Variants in CDH13 observed in about 807,000 individuals in gnomAD.
CDH13 encodes cadherin-13.
CDH13 carries 24 observed loss-of-function variants against 63.8 expected under a neutral mutation model. The observed-to-expected ratio is 0.38, with a 90% CI of 0.27 to 0.53. CDH13 has a LOEUF of 0.53. CDH13 is among the 20% of genes least tolerant of loss of function. CDH13 has a pLI of 0.85. For synonymous variants in CDH13, 503 were observed against 355.3 expected, an observed-to-expected ratio of 1.42 and a Z score of -4.67; for missense variants, 1,049 against 903.1, an observed-to-expected ratio of 1.16 and a Z score of -2.07.
intron 9 of CDH13, among the ~76,000 whole-genome samples, chr16:83,676,272 T>C (rs1430715838): frequency 1.3e-5 from 2 of 152,140 alleles, no homozygotes; most frequent in African/African-American, 4.8e-5. Context: ...CTGTGGAGAA[T>C]CAGATGTCAG....
intron 4 of CDH13, among the ~76,000 whole-genome samples, chr16:83,136,028 T>C (rs535992275): frequency 2.0e-5 from 3 of 151,662 alleles, no homozygotes; most frequent in Non-Finnish European, 4.4e-5. Flanking sequence ...GAGGAAAGGA[T>C]GGGAGAGGGG....
intron 1 of CDH13, among the ~76,000 whole-genome samples, chr16:82,754,438 G>A (rs184123373): frequency 6.6e-6 from 1 of 152,268 alleles, no homozygotes; most frequent in African/African-American, 2.4e-5. Context: ...ATCCTAAAGA[G>A]AGCTGTTGGA....
intron 2 of CDH13, among the ~76,000 whole-genome samples, chr16:82,866,073 A>G (rs971343184): frequency 3.9e-5 from 6 of 152,206 alleles, no homozygotes; most frequent in African/African-American, 1.4e-4. Flanking sequence ...GCTAAAGTAC[A>G]GCAGGAATTA....
intron 5 of CDH13, among the ~76,000 whole-genome samples, chr16:83,266,383 C>G (rs899427252): frequency 2.0e-5 from 3 of 152,208 alleles, no homozygotes; most frequent in Non-Finnish European, 2.9e-5. Context: ...TTTATGAATT[C>G]TACCCTAAGA....
intron 3 of CDH13, among the ~76,000 whole-genome samples, chr16:83,044,756 G>T (rs1051923843): frequency 1.3e-5 from 2 of 152,208 alleles, no homozygotes; most frequent in East Asian, 3.9e-4. Flanking sequence ...CGCGGTCGTG[G>T]AGTTGGTTGA....
chr16:83,722,640 G>A (rs1909846615), intron 10 of CDH13, among the ~76,000 whole-genome samples: 1 of 152,210 alleles, frequency 6.6e-6, no homozygotes, highest in African/African-American at 2.4e-5. Context: ...GTCTAACCTT[G>A]CAAAACTGAG....
At chr16:83,786,711 C>T (rs1004560262) in intron 13 of CDH13, among the ~76,000 whole-genome samples, 1 of 152,062 alleles carries the variant, frequency 6.6e-6, no homozygotes, top group African/African-American at 2.4e-5. Flanking sequence ...CCTCAGCCTC[C>T]CAGGTAGCTA....
chr16:83,007,650 C>G (rs1005523712), intron 2 of CDH13, among the ~76,000 whole-genome samples: 24 of 151,956 alleles, frequency 1.6e-4, no homozygotes, highest in African/African-American at 5.8e-4. Flanking sequence ...GGCAGCATGG[C>G]AAAACCCTGT....
At chr16:83,596,564 T>C (rs1388923680) in intron 7 of CDH13, among the ~76,000 whole-genome samples, 1 of 151,944 alleles carries the variant, frequency 6.6e-6, no homozygotes, top group Non-Finnish European at 1.5e-5. Context: ...TCCAGCAGAG[T>C]AACAAATGCA....
At chr16:83,692,387 C>G (rs995078555) in intron 10 of CDH13, among the ~76,000 whole-genome samples, 8 of 152,170 alleles carry the variant, frequency 5.3e-5, no homozygotes, top group Non-Finnish European at 1.2e-4. Flanking sequence ...CTTGCTCTTT[C>G]CATAGCACAG....
chr16:83,529,721 A>T (rs150023081), intron 7 of CDH13, among the ~76,000 whole-genome samples: 6 of 152,334 alleles, frequency 3.9e-5, no homozygotes, highest in African/African-American at 1.2e-4. Flanking sequence ...AAAATTATGC[A>T]TAACAGAATT....
At chr16:82,987,015 C>A (rs553590847) in intron 2 of CDH13, among the ~76,000 whole-genome samples, 2 of 152,298 alleles carry the variant, frequency 1.3e-5, no homozygotes, top group African/African-American at 4.8e-5. Flanking sequence ...TTTAGGGATT[C>A]ACTTTTCAGG....
At chr16:82,839,486 C>T (rs777810517) in intron 1 of CDH13, among the ~76,000 whole-genome samples, 10 of 152,150 alleles carry the variant, frequency 6.6e-5, no homozygotes, top group Non-Finnish European at 1.0e-4. Flanking sequence ...CCTCTAAAAC[C>T]GAAACCTAGA....
intron 2 of CDH13, among the ~76,000 whole-genome samples, chr16:83,006,716 A>C (rs907160764): frequency 2.0e-5 from 3 of 152,192 alleles, no homozygotes; most frequent in African/African-American, 7.2e-5. Flanking sequence ...ACTGATGTTT[A>C]AAAACTGGTT....
intron 5 of CDH13, among the ~76,000 whole-genome samples, chr16:83,270,524 G>A (rs957513314): frequency 3.3e-5 from 5 of 152,066 alleles, no homozygotes; most frequent in African/African-American, 7.2e-5. Context: ...TATCAATGTC[G>A]GTATCCATGG....
At chr16:83,314,322 A>G (rs973187405) in intron 5 of CDH13, among the ~76,000 whole-genome samples, 4 of 152,200 alleles carry the variant, frequency 2.6e-5, no homozygotes, top group Admixed American at 1.3e-4. Context: ...TTAATGGGTA[A>G]CAGCTGATTA....
intron 3 of CDH13, among the ~76,000 whole-genome samples, chr16:83,033,408 T>C (rs1056496341): frequency 6.6e-6 from 1 of 152,128 alleles, no homozygotes; most frequent in Admixed American, 6.5e-5. Context: ...GGTCCTTCTG[T>C]TGTTTTGTTT....
intron 2 of CDH13, among the ~76,000 whole-genome samples, chr16:82,949,370 C>T (rs921625235): frequency 6.6e-6 from 1 of 152,144 alleles, no homozygotes; most frequent in Non-Finnish European, 1.5e-5. Flanking sequence ...ATGGACCCCA[C>T]GCATACTGGA....
chr16:82,849,354 T>C (rs1215281818), intron 1 of CDH13, among the ~76,000 whole-genome samples: 1 of 151,932 alleles, frequency 6.6e-6, no homozygotes, highest in Non-Finnish European at 1.5e-5. Flanking sequence ...CTACAAAAAT[T>C]AGCTGGGTGT....
Sources: gnomAD v4.1 joint callset for allele counts (sites outside exome capture counted in the v4.1 genomes callset) on GRCh38, gnomAD v4.1.1 for gene constraint, MANE v1.5 for transcripts, NCBI Gene and HGNC (gene_info 2026-07-23, HGNC 2026-07-21) for gene names.